The following NEK8 variants were observed in gnomAD, a reference collection of about 807,000 sequenced individuals.
NEK8 encodes the protein serine/threonine-protein kinase Nek8.
A neutral mutation model predicts 77.2 loss-of-function variants in NEK8; 51 were observed. That is an observed-to-expected ratio of 0.66 (90% CI 0.53 to 0.83). The LOEUF (loss-of-function observed/expected upper bound fraction) is 0.83, where lower values mean the gene tolerates loss of function less well. NEK8 is among the 40% of genes least tolerant of loss of function. The pLI is 0.00. For missense variants in NEK8, 787 were observed against 909.2 expected (o/e 0.87, Z 1.73); for synonymous variants, 365 against 363.2 (o/e 1.00, Z -0.06).
rs1426451285 is a variant in NEK8 at position 28,734,195 on chromosome 17, C to T, written c.253+7C>T. 3 of 1,613,582 alleles carry T rather than the reference C, an allele frequency of 1.9e-6. No individual in the cohort carries two copies. The South Asian group carries it at 3.3e-5, about 18-fold the overall frequency. On this transcript the variant is annotated splice_region_variant and intron_variant, in intron 2 of 14. Coordinates refer to ENST00000268766, the MANE Select transcript of NEK8 (RefSeq NM_178170.3). Reference sequence around the variant, plus strand: ...GCCATGGAATATGCACCAGGTGGGCCAGCCTCCTTACAGTGGCCTGGCTGG... The same window carrying T: ...GCCATGGAATATGCACCAGGTGGGCTAGCCTCCTTACAGTGGCCTGGCTGG...
At chr17:28,736,012 T>A (rs1027809887) in intron 4 of NEK8, among the ~76,000 whole-genome samples, 1 of 148,492 alleles carries the variant, frequency 6.7e-6, no homozygotes, top group Non-Finnish European at 1.5e-5. Context: ...CACCTATGAG[T>A]GAGAACATGC....
intron 2 of NEK8, 84 bp from the exon 3 acceptor site, chr17:28,734,688 A>G: frequency 2.1e-6 from 2 of 968,988 alleles, no homozygotes. Flanking sequence ...CTCCATCTCA[A>G]AAAAAAAAAA....
At chr17:28,736,303 C>G (rs2034365211) in intron 4 of NEK8, among the ~76,000 whole-genome samples, 1 of 152,128 alleles carries the variant, frequency 6.6e-6, no homozygotes, top group Non-Finnish European at 1.5e-5. Context: ...AATGGGATGG[C>G]TGGGTCAAAT....
At chr17:28,739,669 G>A (rs190237524) in intron 10 of NEK8, among the ~76,000 whole-genome samples, 178 of 152,116 alleles carry the variant, frequency 1.2e-3, no homozygotes, top group African/African-American at 3.9e-3. Flanking sequence ...GGCTGGTCTC[G>A]AACTCCTGAC....
intron 9 of NEK8, 47 bp from the exon 10 acceptor site, chr17:28,739,037 G>T: frequency 1.4e-6 from 2 of 1,412,394 alleles, no homozygotes; most frequent in Non-Finnish European, 2.0e-6. Flanking sequence ...AAGCCAGATG[G>T]CTCCAGACCC....
In NEK8 at chr17:28,734,448, G is replaced by C. The variant is rs1361461480; in HGVS notation, c.253+260G>C. On this transcript the variant is annotated intron_variant, in intron 2 of 14. Coordinates refer to ENST00000268766, the MANE Select transcript of NEK8 (RefSeq NM_178170.3). ...ACTTTGGGAGGCCAACGCCGAGGCG[G>C]GCGGATCATGAGGTCAGGAGATCGA... is the stretch of plus-strand genomic sequence containing the variant. 7 of 573,924 alleles carry C rather than the reference G, an allele frequency of 1.2e-5. No individual in the cohort carries two copies. The East Asian group carries it at 1.8e-4, about 15-fold the overall frequency. The allele number at this position is 573,924 out of a possible 1,614,324, so 35.6% of individuals were successfully genotyped here. A position where few individuals can be genotyped will look rare whatever the true frequency, so the allele number is the denominator to read the frequency against.
Position 28,740,831 on chromosome 17 carries a change from G to A in NEK8, c.1578G>A (p.Lys526=), listed in dbSNP as rs1597808014. Residue 526 remains lysine, a synonymous_variant, in exon 12 of 15, where the codon AAG becomes AAA. Transcript: ENST00000268766. This position sits in a 1 kb window ranked among gnomAD's most constrained non-coding sequence, Gnocchi z 4.7. ...ALACGSNRFN[K]LGLDHLSLGE... ...CTGGCTCTGCCCTCAGGTTCAACAA[G>A]CTGGGCCTGGACCACCTCTCCCTGG... The A allele has an allele frequency of 6.2e-7, 1 of 1,613,816 alleles. No homozygotes were observed. The highest frequency in any genetic ancestry group is 8.5e-7 in the Non-Finnish European group (1 of 1,180,036).
In NEK8 at chr17:28,741,982, C is replaced by A. The variant is rs1313425145; in HGVS notation, c.2074C>A (p.Pro692Thr). The part of the protein sequence containing the change: ...VRSVTDEPVP[P>T] ...AGCGGTCACAGATGAGCCGGTCCCC[C>A]CCTGAGGCACCCGGATTCACCTCTG... Residue 692 changes from proline (P) to threonine (T), a missense_variant, in exon 15 of 15, where the codon CCC (proline) becomes ACC (threonine). Pro to Thr is a conservative substitution (Grantham distance 38, BLOSUM62 -1). This residue lies in a region of NEK8 where 516 missense variants were observed against 544.0 expected (regional missense o/e 0.95). Coordinates refer to ENST00000268766, the MANE Select transcript of NEK8 (RefSeq NM_178170.3). This position sits in a 1 kb window ranked among gnomAD's most constrained non-coding sequence, Gnocchi z 4.5. 2 of 1,613,948 alleles carry A rather than the reference C, an allele frequency of 1.2e-6. No individual in the cohort carries two copies. The highest frequency in any genetic ancestry group is 2.7e-5 in the African/African-American group (2 of 74,910).
chr17:28,738,279 C>T, intron 8 of NEK8, 34 bp downstream of exon 8: 3 of 1,613,128 alleles, frequency 1.9e-6, no homozygotes, highest in South Asian at 2.2e-5. Flanking sequence ...GGGACCTGCT[C>T]TGAGGCCCCA....
At chr17:28,729,404 G>T (rs925302159) in intron 1 of NEK8, among the ~76,000 whole-genome samples, 1 of 152,124 alleles carries the variant, frequency 6.6e-6, no homozygotes, top group Non-Finnish European at 1.5e-5. Flanking sequence ...CACCCCGGCT[G>T]GAGTTCAGTG....
chr17:28,734,199 C>T lies in NEK8; in HGVS notation c.253+11C>T, dbSNP rs774144851. Reference sequence around the variant, plus strand: ...TGGAATATGCACCAGGTGGGCCAGCCTCCTTACAGTGGCCTGGCTGGAGGG... The same window carrying T: ...TGGAATATGCACCAGGTGGGCCAGCTTCCTTACAGTGGCCTGGCTGGAGGG... On this transcript the variant is annotated intron_variant, in intron 2 of 14. Coordinates refer to ENST00000268766, the MANE Select transcript of NEK8 (RefSeq NM_178170.3). The T allele has an allele frequency of 1.1e-5, 17 of 1,612,578 alleles. No homozygotes were observed. In the African/African-American group the frequency reaches 1.9e-4, roughly 18 times the overall value.
intron 2 of NEK8, 86 bp from the exon 3 acceptor site, chr17:28,734,686 C>CAAA: frequency 2.5e-5 from 20 of 792,512 alleles, no homozygotes; most frequent in East Asian, 3.0e-5. Context: ...GACTCCATCT[C>CAAA]AAAAAAAAAA....
chr17:28,735,791 T>G (rs2034359026), intron 4 of NEK8, among the ~76,000 whole-genome samples: 1 of 152,112 alleles, frequency 6.6e-6, no homozygotes, highest in South Asian at 2.1e-4. Flanking sequence ...TTTTTTTTAT[T>G]ATACTTTAAG....
chr17:28,741,576 G>A lies in NEK8; in HGVS notation c.2050+5G>A, dbSNP rs1275176518. 4 of 1,614,050 alleles carry A rather than the reference G, an allele frequency of 2.5e-6. No homozygotes were observed. Among genetic ancestry groups the A allele is most frequent in the East Asian group, 2.2e-5 (1 of 44,892 alleles). On this transcript the variant is annotated splice_donor_5th_base_variant and intron_variant, in intron 14 of 14. Coordinates refer to ENST00000268766, the MANE Select transcript of NEK8 (RefSeq NM_178170.3). The surrounding 1 kb of genome is among the most constrained non-coding windows in gnomAD (Gnocchi z 4.5). ...ACACCCTCCTGGCTGTTCGATGTGA[G>A]TTGTAACTTTTCCCACTTCACCACA...
Position 28,737,866 on chromosome 17 carries a change from T to A in NEK8, c.937T>A (p.Ser313Thr). 1 of 1,613,900 alleles carries A rather than the reference T, an allele frequency of 6.2e-7. No homozygotes were observed. The highest frequency in any genetic ancestry group is 1.1e-5 in the South Asian group (1 of 91,082). The change falls in exon 7 of 15, where the codon TCA becomes ACA. Residue 313 changes from serine to threonine, a missense_variant. Physicochemically the swap from Ser to Thr is moderately conservative, Grantham distance 58. Coordinates refer to ENST00000268766, the MANE Select transcript of NEK8 (RefSeq NM_178170.3). This position sits in a 1 kb window ranked among gnomAD's most constrained non-coding sequence, Gnocchi z 4.8. ...VRPAIPPPLSSVYAWGGGLGT... is the reference protein window; with the variant it reads ...VRPAIPPPLSTVYAWGGGLGT... ...GCCAGCCATCCCACCACCACTGTCG[T>A]CAGTGTATGCCTGGGGTGGTGGGCT...
At chr17:28,735,413 T>C (rs368248961) in intron 4 of NEK8, 42 bp downstream of exon 4, 70 of 1,600,658 alleles carry the variant, frequency 4.4e-5, no homozygotes, top group Non-Finnish European at 5.5e-5. Context: ...AGAAATCTAC[T>C]GCCTCGCCCA....
At chr17:28,729,039 C>T (rs2034279588) in intron 1 of NEK8, among the ~76,000 whole-genome samples, 179 bp downstream of exon 1, 1 of 152,266 alleles carries the variant, frequency 6.6e-6, no homozygotes, top group Admixed American at 6.5e-5. Context: ...GGAGGCCACG[C>T]CCCTGACAGG....
In NEK8 at chr17:28,729,532, A is replaced by ATT. The variant is rs10523946; in HGVS notation, c.47+695_47+696dup. Among the ~76,000 whole-genome samples the ATT allele has an allele frequency of 8.0e-3, 785 of 98,286 alleles. 12 individuals are homozygous for ATT. Among genetic ancestry groups the ATT allele is most frequent in the Middle Eastern group, 0.038 (7 of 186 alleles). The allele number at this position is 98,286 out of a possible 152,430, so 64.5% of individuals were successfully genotyped here. On this transcript the variant is annotated intron_variant, in intron 1 of 14. Transcript: ENST00000268766. ...CACCATGCCCGGCTAAATTTTTTGG[A>ATT]TTTTTTTTTTTTTTTTTTTTTTTTG...
Position 28,737,576 on chromosome 17 carries a change from G to A in NEK8, c.827+62G>A. 2 of 1,613,252 alleles carry A rather than the reference G, an allele frequency of 1.2e-6. No homozygotes were observed. Among genetic ancestry groups the A allele is most frequent in the Non-Finnish European group, 1.7e-6 (2 of 1,179,630 alleles). ...GGTGTGGGCACCCAGTGGGAGCACAGGAGGTCTGAGGCAGAGGGAAACCTG... is the reference window on the plus strand; with the variant it reads ...GGTGTGGGCACCCAGTGGGAGCACAAGAGGTCTGAGGCAGAGGGAAACCTG... On this transcript the variant is annotated intron_variant, in intron 5 of 14. Coordinates refer to ENST00000268766, the MANE Select transcript of NEK8 (RefSeq NM_178170.3). This position sits in a 1 kb window ranked among gnomAD's most constrained non-coding sequence, Gnocchi z 4.8.
Sources: allele counts gnomAD v4.1 joint callset (sites outside exome capture counted in the v4.1 genomes callset), GRCh38; gene constraint gnomAD v4.1.1; regional missense constraint gnomAD v4.1.1; non-coding constraint Gnocchi (gnomAD v3.1); transcripts MANE v1.5; gene names NCBI Gene and HGNC (gene_info 2026-07-23, HGNC 2026-07-21).